CDH12: variants seen among roughly 807,000 people sequenced by gnomAD.
The protein encoded by CDH12 is cadherin 12, also known as cadherin-12.
In CDH12, 41 loss-of-function variants were observed where a neutral mutation model predicts 74.1. The observed-to-expected ratio is 0.55, with a 90% CI of 0.43 to 0.72. CDH12 has a LOEUF of 0.72. Ranked by LOEUF, CDH12 falls within the 30% of genes least tolerant of loss-of-function variation. The pLI is 0.00. For missense variants in CDH12, 945 were observed against 977.2 expected (o/e 0.97, Z 0.44); for synonymous variants, 399 against 355.0 (o/e 1.12, Z -1.39).
chr5:22,517,824 T>C (rs1736870915), intron 1 of CDH12, among the ~76,000 whole-genome samples: 1 of 152,198 alleles, frequency 6.6e-6, no homozygotes. Flanking sequence ...CACATTTTAC[T>C]AGGATCTAGG....
chr5:22,819,970 T>C (rs890046489), intron 1 of CDH12, among the ~76,000 whole-genome samples: 37 of 143,078 alleles, frequency 2.6e-4, no homozygotes, highest in African/African-American at 9.1e-4. Context: ...CACATATATA[T>C]ACATATACAT....
Position 21,751,720 on chromosome 5 carries a change from T to C in CDH12, c.*17A>G, listed in dbSNP as rs776503789. On this transcript the variant is annotated 3_prime_UTR_variant, in exon 15 of 15. Transcript: ENST00000382254. ...AAAATCTCCCCTCTCGGTTGTATTT[T>C]AGCCTCCACGACTCCCTTAAGTGAC... The C allele has an allele frequency of 3.2e-6, 5 of 1,580,396 alleles. No homozygotes were observed. The African/African-American group carries it at 5.5e-5, about 17-fold the overall frequency.
At chr5:22,327,087 T>A (rs2150442128) in intron 3 of CDH12, among the ~76,000 whole-genome samples, 1 of 152,286 alleles carries the variant, frequency 6.6e-6, no homozygotes, top group African/African-American at 2.4e-5. Context: ...GACATAGTTC[T>A]TTTAAAGGGC....
intron 2 of CDH12, among the ~76,000 whole-genome samples, chr5:22,498,354 C>T (rs1314260726): frequency 6.6e-6 from 1 of 151,984 alleles, no homozygotes; most frequent in Non-Finnish European, 1.5e-5. Context: ...TGGTTAACAA[C>T]ATTTAATGAT....
chr5:22,755,072 T>C (rs1013355421), intron 1 of CDH12, among the ~76,000 whole-genome samples: 8 of 152,210 alleles, frequency 5.3e-5, no homozygotes, highest in African/African-American at 1.9e-4. Context: ...TCTGGATCTA[T>C]GGATCTTACA....
At position 22,078,734 on chromosome 5, in the gene CDH12, TG is replaced by T; in HGVS notation, c.-59del. ...AACTCCAACACTTAACGTAGAATTG[TG>T]GAATCCAGGTTTGAGGTGTCTGTGG... On this transcript the variant is annotated 5_prime_UTR_variant, in exon 5 of 15. Transcript: ENST00000382254. The T allele has an allele frequency of 6.3e-7, 1 of 1,586,234 alleles. No homozygotes were observed. The highest frequency in any genetic ancestry group is 2.3e-5 in the East Asian group (1 of 44,374).
intron 11 of CDH12, among the ~76,000 whole-genome samples, chr5:21,766,070 C>A (rs1414692236): frequency 6.6e-6 from 1 of 151,932 alleles, no homozygotes; most frequent in African/African-American, 2.4e-5. Context: ...GAGTTAAATT[C>A]TTCTGCAAAG....
chr5:22,089,574 G>GA (rs1456252297), intron 4 of CDH12, among the ~76,000 whole-genome samples: 1 of 152,074 alleles, frequency 6.6e-6, no homozygotes, highest in Non-Finnish European at 1.5e-5. Flanking sequence ...TTACAGAGAT[G>GA]AAAAATAGAA....
chr5:22,256,113 C>G (rs1378435081), intron 3 of CDH12, among the ~76,000 whole-genome samples: 5 of 152,082 alleles, frequency 3.3e-5, no homozygotes, highest in Admixed American at 6.6e-5. Flanking sequence ...TCCAAAGTCT[C>G]ATATTAAGAT....
intron 2 of CDH12, among the ~76,000 whole-genome samples, chr5:22,457,772 T>G (rs1360755432): frequency 6.6e-6 from 1 of 151,462 alleles, no homozygotes; most frequent in Admixed American, 6.6e-5. Flanking sequence ...TGAGACAGAG[T>G]CTTGCTCTGT....
At chr5:22,847,606 T>C (rs1328069110) in intron 1 of CDH12, among the ~76,000 whole-genome samples, 2 of 152,226 alleles carry the variant, frequency 1.3e-5, no homozygotes, top group Non-Finnish European at 2.9e-5. Flanking sequence ...TTCCATTACA[T>C]TTAAAAGTAT....
At position 21,752,124 on chromosome 5, in the gene CDH12, C is replaced by T; in HGVS notation, c.1998G>A (p.Gly666=). ...TGTCGAAAGCCTGGGTATCTTCCTC[C>T]CCACCTCCTTCATCATCGTAATGGA... ...NVIHYDDEGG[G]EEDTQAFDIG... is the part of the protein sequence containing the mutation. The change falls in exon 15 of 15, where the codon GGG becomes GGA. Residue 666 remains glycine (G), a synonymous_variant. Transcript: ENST00000382254. 1.2e-6 allele frequency: 2 copies of T among 1,614,102 alleles called. No homozygotes were observed. The highest frequency in any genetic ancestry group is 1.7e-6 in the Non-Finnish European group (2 of 1,180,004).
At chr5:22,376,682 A>AATTT (rs1741538576) in intron 3 of CDH12, among the ~76,000 whole-genome samples, 2 of 79,816 alleles carry the variant, frequency 2.5e-5, no homozygotes, top group East Asian at 7.2e-4. Context: ...ATGGTTGACT[A>AATTT]ATTTTTTTTT....
chr5:22,834,238 T>A (rs1736730454), intron 1 of CDH12, among the ~76,000 whole-genome samples: 1 of 152,168 alleles, frequency 6.6e-6, no homozygotes, highest in African/African-American at 2.4e-5. Context: ...CCTTTTTTCA[T>A]GTCTTATATT....
At chr5:21,914,070 A>C (rs916815856) in intron 6 of CDH12, among the ~76,000 whole-genome samples, 2 of 152,174 alleles carry the variant, frequency 1.3e-5, no homozygotes, top group African/African-American at 4.8e-5. Context: ...TGTCAAACAG[A>C]GTAAGTCCTC....
At chr5:22,235,364 A>G (rs913213627) in intron 3 of CDH12, among the ~76,000 whole-genome samples, 3 of 152,080 alleles carry the variant, frequency 2.0e-5, no homozygotes, top group African/African-American at 7.2e-5. Context: ...GGGGATCACT[A>G]GAGGTCAGGA....
At chr5:21,796,977 A>G (rs897749468) in intron 10 of CDH12, among the ~76,000 whole-genome samples, 3 of 152,138 alleles carry the variant, frequency 2.0e-5, no homozygotes, top group African/African-American at 4.8e-5. Flanking sequence ...CCTCAAACAA[A>G]TATACAGCAT....
chr5:22,060,865 G>A (rs574711692), intron 5 of CDH12, among the ~76,000 whole-genome samples: 3 of 152,234 alleles, frequency 2.0e-5, no homozygotes, highest in Non-Finnish European at 2.9e-5. Flanking sequence ...AGTTGCCAGA[G>A]CTCCTCTCCT....
intron 1 of CDH12, among the ~76,000 whole-genome samples, chr5:22,798,314 A>G (rs1748334065): frequency 6.6e-6 from 1 of 152,176 alleles, no homozygotes; most frequent in South Asian, 2.1e-4. Flanking sequence ...AGGCTACTTA[A>G]CAAAAACTAT....
Sources: gnomAD v4.1 joint callset for allele counts (sites outside exome capture counted in the v4.1 genomes callset) on GRCh38, gnomAD v4.1.1 for gene constraint, MANE v1.5 for transcripts, NCBI Gene and HGNC (gene_info 2026-07-23, HGNC 2026-07-21) for gene names.